CDH4: variants seen among roughly 807,000 people sequenced by gnomAD.
CDH4 encodes the protein cadherin 4.
In CDH4, 33 loss-of-function variants were observed where a neutral mutation model predicts 86.0. The ratio of observed to expected loss-of-function variants is 0.38; its 90% confidence interval spans 0.29 to 0.51. The LOEUF (loss-of-function observed/expected upper bound fraction) is 0.51. Among genes scored for constraint, CDH4 ranks in the 20% least tolerant of loss-of-function variants. The pLI, the probability that CDH4 is intolerant of heterozygous loss-of-function variation, is 0.86. For synonymous variants in CDH4, 555 were observed against 549.4 expected, an observed-to-expected ratio of 1.01 and a Z score of -0.14; for missense variants, 1,114 against 1,307.4, an observed-to-expected ratio of 0.85 and a Z score of 2.28.
intron 4 of CDH4, among the ~76,000 whole-genome samples, chr20:61,774,443 G>T (rs1324621042): frequency 6.6e-6 from 1 of 152,206 alleles, no homozygotes; most frequent in African/African-American, 2.4e-5. Flanking sequence ...ACCATCCTTG[G>T]GGCCGGGATT....
chr20:61,724,104 G>C (rs2088081169), intron 2 of CDH4, among the ~76,000 whole-genome samples: 1 of 142,508 alleles, frequency 7.0e-6, no homozygotes, highest in African/African-American at 2.7e-5. Flanking sequence ...CATGCAGGGG[G>C]CACAGGATGG....
At chr20:61,868,455 T>G (rs1983646366) in intron 6 of CDH4, among the ~76,000 whole-genome samples, 1 of 151,928 alleles carries the variant, frequency 6.6e-6, no homozygotes, top group Non-Finnish European at 1.5e-5. Context: ...GCTTGGTAGG[T>G]GGGGACCCGG....
intron 9 of CDH4, 91 bp downstream of exon 9, chr20:61,910,698 T>C (rs1218729738): frequency 8.4e-7 from 1 of 1,192,874 alleles, no homozygotes; most frequent in South Asian, 1.4e-5. Flanking sequence ...ATACTCGGTG[T>C]AAAGTTACTG....
intron 2 of CDH4, among the ~76,000 whole-genome samples, chr20:61,362,887 A>T (rs2084791914): frequency 6.6e-6 from 1 of 152,224 alleles, no homozygotes; most frequent in Non-Finnish European, 1.5e-5. Flanking sequence ...GTCTGAGTCC[A>T]AAGATGCCAT....
At chr20:61,333,569 A>C (rs2084598177) in intron 2 of CDH4, among the ~76,000 whole-genome samples, 1 of 152,038 alleles carries the variant, frequency 6.6e-6, no homozygotes, top group Admixed American at 6.5e-5. Context: ...ACAGGGAGCT[A>C]CCCTGTAGTT....
At chr20:61,345,986 C>T (rs1304918256) in intron 2 of CDH4, among the ~76,000 whole-genome samples, 2 of 152,212 alleles carry the variant, frequency 1.3e-5, no homozygotes, top group African/African-American at 4.8e-5. Context: ...CTCCCTTCCT[C>T]ATGCGGGTGG....
rs1325906394 is a variant in CDH4 at position 61,810,755 on chromosome 20, C to A, written c.577-33913C>A. On this transcript the variant is annotated intron_variant, in intron 4 of 15. Transcript: ENST00000614565. The surrounding 1 kb of genome is among the most constrained non-coding windows in gnomAD (Gnocchi z 4.3). ...TCAGGGTCTGGCTGCCAGGGCAGAA[C>A]CAAGCAGGGCCCGCAGTCTGCAAGA... is the stretch of plus-strand genomic sequence containing the variant. 6.6e-6 allele frequency among the ~76,000 whole-genome samples: 1 copy of A among 152,174 alleles called. No individual in the cohort carries two copies. The highest frequency in any genetic ancestry group is 1.5e-5 in the Non-Finnish European group (1 of 68,020).
chr20:61,888,188 TAC>T (rs1984633105), intron 7 of CDH4, among the ~76,000 whole-genome samples: 1 of 152,150 alleles, frequency 6.6e-6, no homozygotes, highest in Non-Finnish European at 1.5e-5. Flanking sequence ...CCACTGCCGG[TAC>T]ACACAGATGG....
chr20:61,794,006 G>A (rs1416336991), intron 4 of CDH4, among the ~76,000 whole-genome samples: 1 of 150,502 alleles, frequency 6.6e-6, no homozygotes, highest in Non-Finnish European at 1.5e-5. Flanking sequence ...AGCTGGGCGT[G>A]GTGGCGGGCA....
At position 61,940,029 on chromosome 20, in the gene CDH4, T is replaced by G. The variant is rs936889240; in HGVS notation, c.*3086T>G. ...ACAGTCCACTGAGATGATAATTCTG[T>G]TCTCTCCAAAGCAAAAAGCTGGGCG... On this transcript the variant is annotated 3_prime_UTR_variant, in exon 16 of 16. Coordinates refer to ENST00000614565, the MANE Select transcript of CDH4 (RefSeq NM_001794.5). The G allele has an allele frequency of 2.0e-5, 3 of 152,212 alleles. No individual in the cohort carries two copies. Among genetic ancestry groups the G allele is most frequent in the Non-Finnish European group, 4.4e-5 (3 of 68,040 alleles). The allele number at this position is 152,212 out of a possible 1,614,324, so 9.4% of individuals were successfully genotyped here.
At chr20:61,635,308 T>C (rs1268129226) in intron 2 of CDH4, among the ~76,000 whole-genome samples, 1 of 152,164 alleles carries the variant, frequency 6.6e-6, no homozygotes. Flanking sequence ...CTTGTGAATG[T>C]CTGTTTTTTT....
intron 2 of CDH4, among the ~76,000 whole-genome samples, chr20:61,302,107 G>T (rs2084389182): frequency 1.3e-5 from 2 of 152,232 alleles, no homozygotes; most frequent in Non-Finnish European, 2.9e-5. Flanking sequence ...ACAAAGTAAG[G>T]AGACTCCACT....
chr20:61,874,901 G>A (rs930081309), intron 7 of CDH4, among the ~76,000 whole-genome samples: 3 of 152,200 alleles, frequency 2.0e-5, no homozygotes, highest in Admixed American at 6.5e-5. Flanking sequence ...AGGCCACAGC[G>A]CCACTTTCTG....
intron 2 of CDH4, among the ~76,000 whole-genome samples, chr20:61,716,217 T>C (rs2087950898): frequency 6.6e-6 from 1 of 151,970 alleles, no homozygotes; most frequent in African/African-American, 2.4e-5. Context: ...GCTCCTCACC[T>C]GTGAGCCGCC....
intron 7 of CDH4, among the ~76,000 whole-genome samples, chr20:61,887,413 G>A (rs961556330): frequency 6.6e-6 from 1 of 152,126 alleles, no homozygotes; most frequent in African/African-American, 2.4e-5. Flanking sequence ...CAACACGCAT[G>A]CACATCCATG....
chr20:61,865,792 C>G (rs1291939724), intron 6 of CDH4, among the ~76,000 whole-genome samples: 1 of 149,920 alleles, frequency 6.7e-6, no homozygotes, highest in Non-Finnish European at 1.5e-5. Flanking sequence ...GTTTCCTGAG[C>G]TAGTTAGTGT....
At chr20:61,346,572 C>T (rs1411145832) in intron 2 of CDH4, among the ~76,000 whole-genome samples, 2 of 152,044 alleles carry the variant, frequency 1.3e-5, no homozygotes, top group Non-Finnish European at 2.9e-5. Context: ...GGCGAAACCC[C>T]ATCTCTACTA....
intron 6 of CDH4, among the ~76,000 whole-genome samples, chr20:61,860,677 A>G (rs1448795444): frequency 6.6e-6 from 1 of 152,184 alleles, no homozygotes; most frequent in African/African-American, 2.4e-5. Flanking sequence ...GGAGGGGAAG[A>G]GGCATCACTG....
chr20:61,621,590 C>T lies in CDH4; in HGVS notation c.170-121973C>T, dbSNP rs573266006. On this transcript the variant is annotated intron_variant, in intron 2 of 15. Coordinates refer to ENST00000614565, the MANE Select transcript of CDH4 (RefSeq NM_001794.5). ...CTTCTCCGGGAGAACATCGCTGGCTCGTACGAATTGGCAGAAATACAGCAC... is the reference window on the plus strand; with the variant it reads ...CTTCTCCGGGAGAACATCGCTGGCTTGTACGAATTGGCAGAAATACAGCAC... 2.0e-5 allele frequency among the ~76,000 whole-genome samples: 3 copies of T among 152,198 alleles called. No individual in the cohort carries two copies. The East Asian group carries it at 5.8e-4, about 29-fold the overall frequency.
Sources: allele counts gnomAD v4.1 joint callset (sites outside exome capture counted in the v4.1 genomes callset), GRCh38; gene constraint gnomAD v4.1.1; non-coding constraint Gnocchi (gnomAD v3.1); transcripts MANE v1.5; gene names NCBI Gene and HGNC (gene_info 2026-07-23, HGNC 2026-07-21).